The following CFAP100 variants were observed in gnomAD, a reference collection of about 807,000 sequenced individuals.
The protein encoded by CFAP100 is cilia- and flagella-associated protein 100.
CFAP100 carries 70 observed loss-of-function variants against 81.5 expected under a neutral mutation model. The observed-to-expected ratio is 0.86, with a 90% CI of 0.71 to 1.05. The LOEUF is 1.05. Ranked by LOEUF, CFAP100 falls within the 50% of genes least tolerant of loss-of-function variation. CFAP100 has a pLI of 0.00. For synonymous variants in CFAP100, 341 were observed against 314.8 expected (o/e 1.08, Z -0.88); for missense variants, 811 against 776.5 (o/e 1.04, Z -0.53).
At chr3:126,405,051 T>C (rs1022441428) in intron 2 of CFAP100, among the ~76,000 whole-genome samples, 1 of 152,060 alleles carries the variant, frequency 6.6e-6, no homozygotes, top group Non-Finnish European at 1.5e-5. Flanking sequence ...AAATGTATGG[T>C]TCGGTGGCAT....
At chr3:126,411,042 T>A (rs1395693365) in intron 3 of CFAP100, among the ~76,000 whole-genome samples, 2 of 152,380 alleles carry the variant, frequency 1.3e-5, no homozygotes, top group Non-Finnish European at 1.5e-5. Flanking sequence ...GGCTCAAGCC[T>A]CTCACTCTGT....
rs189345058 is a variant in CFAP100 at position 126,397,052 on chromosome 3, T to G, written c.49+1003T>G. On this transcript the variant is annotated intron_variant, in intron 2 of 16. Coordinates refer to ENST00000352312, the MANE Select transcript of CFAP100 (RefSeq NM_182628.3). ...CCAGCTCAGTGCACATACAGGCAAATGTGTGTAGATGAGGTTTGTTCTTTT... is the reference window on the plus strand; with the variant it reads ...CCAGCTCAGTGCACATACAGGCAAAGGTGTGTAGATGAGGTTTGTTCTTTT... Among the ~76,000 whole-genome samples, 118 of 152,342 alleles carry G rather than the reference T, an allele frequency of 7.7e-4. 1 individual carries two copies. The highest frequency in any genetic ancestry group is 1.7e-3 in the East Asian group (9 of 5,190).
chr3:126,396,759 G>C (rs2082895272), intron 2 of CFAP100: 1 of 152,218 alleles, frequency 6.6e-6, no homozygotes, highest in Non-Finnish European at 1.5e-5. Context: ...CTAGGCCCTG[G>C]ATGAAACATG....
chr3:126,416,114 AC>A (rs1368232462), intron 4 of CFAP100, among the ~76,000 whole-genome samples: 3 of 151,206 alleles, frequency 2.0e-5, no homozygotes, highest in Non-Finnish European at 4.4e-5. Flanking sequence ...TGACCTAGGG[AC>A]CCTGACTGGC....
At chr3:126,421,810 A>G (rs1389086855) in intron 11 of CFAP100, among the ~76,000 whole-genome samples, 1 of 152,230 alleles carries the variant, frequency 6.6e-6, no homozygotes, top group Non-Finnish European at 1.5e-5. Flanking sequence ...AAGACCAGCC[A>G]CCACTGGGGC....
intron 2 of CFAP100, among the ~76,000 whole-genome samples, chr3:126,406,214 C>T (rs890459943): frequency 1.3e-5 from 2 of 152,186 alleles, no homozygotes; most frequent in Non-Finnish European, 2.9e-5. Context: ...TCAGCCCAGG[C>T]CTGGCCTTCC....
intron 4 of CFAP100, among the ~76,000 whole-genome samples, chr3:126,415,248 C>T (rs941895506): frequency 7.2e-5 from 11 of 152,142 alleles, no homozygotes; most frequent in East Asian, 1.9e-4. Flanking sequence ...ACAGGGTCAC[C>T]GAACCCCAAC....
chr3:126,432,583 G>T (rs570054549), intron 13 of CFAP100, among the ~76,000 whole-genome samples: 2 of 152,160 alleles, frequency 1.3e-5, no homozygotes, highest in African/African-American at 4.8e-5. Context: ...TGAAAGCAGC[G>T]AGTCACAAAA....
Position 126,419,627 on chromosome 3 carries a change from C to T in CFAP100, c.732-10C>T. 1 of 1,611,870 alleles carries T rather than the reference C, an allele frequency of 6.2e-7. No individual in the cohort carries two copies. The highest frequency in any genetic ancestry group is 8.5e-7 in the Non-Finnish European group (1 of 1,178,798). ...CCTCCTTCCCACATCCTCACCCCGC[C>T]CCGGTGTAGTGAGATCTCCAGATTT... On this transcript the variant is annotated splice_polypyrimidine_tract_variant and intron_variant, in intron 8 of 16. Transcript: ENST00000352312.
intron 11 of CFAP100, among the ~76,000 whole-genome samples, chr3:126,421,063 T>C (rs1187305564): frequency 6.6e-6 from 1 of 152,180 alleles, no homozygotes; most frequent in African/African-American, 2.4e-5. Context: ...AGTGCAGTGG[T>C]GTGATCTCAG....
intron 12 of CFAP100, 32 bp from the exon 13 acceptor site, chr3:126,423,461 G>A (rs754150038): frequency 1.9e-6 from 3 of 1,613,418 alleles, no homozygotes; most frequent in East Asian, 4.5e-5. Context: ...CTCTGTCCCT[G>A]TCCAGTCCCT....
chr3:126,402,309 G>C (rs1379275480), intron 2 of CFAP100, among the ~76,000 whole-genome samples: 1 of 152,226 alleles, frequency 6.6e-6, no homozygotes, highest in Admixed American at 6.5e-5. Flanking sequence ...TGTCACTGGA[G>C]AGATGGCTGC....
chr3:126,416,129 C>T (rs947408825), intron 4 of CFAP100, among the ~76,000 whole-genome samples, 187 bp from the exon 5 acceptor site: 3 of 152,198 alleles, frequency 2.0e-5, no homozygotes, highest in Non-Finnish European at 4.4e-5. Context: ...GACTGGCGCC[C>T]TTCTCGGGGG....
At chr3:126,420,294 A>G (rs1277754868) in intron 11 of CFAP100, 65 bp downstream of exon 11, 2 of 1,594,108 alleles carry the variant, frequency 1.3e-6, no homozygotes, top group Admixed American at 1.7e-5. Context: ...TGTGGCACCC[A>G]TGTGTAGTCA....
intron 12 of CFAP100, 55 bp downstream of exon 12, chr3:126,423,431 C>T: frequency 6.2e-7 from 1 of 1,608,376 alleles, no homozygotes; most frequent in Non-Finnish European, 8.5e-7. Flanking sequence ...CTTTCCCTGC[C>T]CCCACCCCTG....
At chr3:126,403,048 A>G (rs1445339214) in intron 2 of CFAP100, among the ~76,000 whole-genome samples, 4 of 152,004 alleles carry the variant, frequency 2.6e-5, no homozygotes, top group African/African-American at 9.7e-5. Context: ...CTGTTTGCTG[A>G]GATGGCCAAG....
chr3:126,414,068 G>C lies in CFAP100; in HGVS notation c.131-17G>C. The C allele has an allele frequency of 6.3e-7, 1 of 1,589,850 alleles. No individual in the cohort carries two copies. The highest frequency in any genetic ancestry group is 8.6e-7 in the Non-Finnish European group (1 of 1,157,970). On this transcript the variant is annotated splice_polypyrimidine_tract_variant and intron_variant, in intron 3 of 16. Transcript: ENST00000352312. Reference sequence around the variant, plus strand: ...AAGAGCTGGCTCCCCTTTCCAGAGAGGTGTCTCCCTTTCCAGAACATGGTC... The same window carrying C: ...AAGAGCTGGCTCCCCTTTCCAGAGACGTGTCTCCCTTTCCAGAACATGGTC...
chr3:126,405,899 C>T (rs2107590212), intron 2 of CFAP100, among the ~76,000 whole-genome samples: 2 of 152,144 alleles, frequency 1.3e-5, no homozygotes, highest in Middle Eastern at 6.8e-3. Context: ...AGGATCCTCC[C>T]CCCTCAGCCT....
At chr3:126,434,512 A>G in intron 15 of CFAP100, 131 bp downstream of exon 15, 3 of 847,412 alleles carry the variant, frequency 3.5e-6, no homozygotes, top group Non-Finnish European at 5.3e-6. Flanking sequence ...GAGAGACAAA[A>G]GCCCATGTCT....
Sources: gnomAD v4.1 joint callset for allele counts (sites outside exome capture counted in the v4.1 genomes callset) on GRCh38, gnomAD v4.1.1 for gene constraint, MANE v1.5 for transcripts, NCBI Gene and HGNC (gene_info 2026-07-23, HGNC 2026-07-21) for gene names.